The following ADGRV1 variants were observed in gnomAD, a reference collection of about 807,000 sequenced individuals.
ADGRV1 encodes adhesion G protein-coupled receptor V1.
In ADGRV1, 359 loss-of-function variants were observed where a neutral mutation model predicts 596.2. That is an observed-to-expected ratio of 0.60 (90% CI 0.55 to 0.66). The LOEUF (loss-of-function observed/expected upper bound fraction) is 0.66. Ranked by LOEUF, ADGRV1 falls within the 30% of genes least tolerant of loss-of-function variation. The pLI, the probability that ADGRV1 is intolerant of heterozygous loss-of-function variation, is 0.00. For missense variants in ADGRV1, 7,274 were observed against 7,575.6 expected (o/e 0.96, Z 1.48); for synonymous variants, 2,681 against 2,679.2 (o/e 1.00, Z -0.02).
chr5:90,781,835 A>G (rs2150097073), intron 65 of ADGRV1, among the ~76,000 whole-genome samples: 1 of 152,316 alleles, frequency 6.6e-6, no homozygotes, highest in East Asian at 1.9e-4. Context: ...GATTATTAAA[A>G]TGTTTCTGTT....
chr5:90,980,891 CAAGT>C (rs1241193742), intron 84 of ADGRV1, among the ~76,000 whole-genome samples: 1 of 152,168 alleles, frequency 6.6e-6, no homozygotes, highest in African/African-American at 2.4e-5. Context: ...AACAGGTCCT[CAAGT>C]AATATCATTT....
intron 86 of ADGRV1, among the ~76,000 whole-genome samples, chr5:91,086,569 A>G (rs776630935): frequency 7.2e-5 from 11 of 152,178 alleles, no homozygotes; most frequent in Admixed American, 3.9e-4. Context: ...GTCTCACTAT[A>G]GACTTACTAA....
In ADGRV1 at chr5:91,089,173, G is replaced by A. The variant is rs1040338504; in HGVS notation, c.18311-13046G>A. Among the ~76,000 whole-genome samples the A allele has an allele frequency of 1.3e-4, 20 of 152,068 alleles. No homozygotes were observed. In the East Asian group the frequency reaches 2.7e-3, roughly 20 times the overall value. ...ATATCAAAGAGCTTTGTGGTCAGTCGTTGTTGTACATGCCTAAAAACAGCT... is the reference window on the plus strand; with the variant it reads ...ATATCAAAGAGCTTTGTGGTCAGTCATTGTTGTACATGCCTAAAAACAGCT... On this transcript the variant is annotated intron_variant, in intron 86 of 89. Coordinates refer to ENST00000405460, the MANE Select transcript of ADGRV1 (RefSeq NM_032119.4).
intron 1 of ADGRV1, among the ~76,000 whole-genome samples, chr5:90,610,332 G>A (rs1271908238): frequency 6.6e-6 from 1 of 151,906 alleles, no homozygotes; most frequent in African/African-American, 2.4e-5. Context: ...AAAGCATCGT[G>A]GGAAACAGCA....
At chr5:90,600,108 A>C (rs1761216176) in intron 1 of ADGRV1, among the ~76,000 whole-genome samples, 1 of 152,190 alleles carries the variant, frequency 6.6e-6, no homozygotes, top group Non-Finnish European at 1.5e-5. Flanking sequence ...TAGTTGGACC[A>C]TAAGTGATCT....
At position 90,985,426 on chromosome 5, in the gene ADGRV1, G is replaced by T. The variant is rs866422860; in HGVS notation, c.18056G>T (p.Gly6019Val). The change falls in exon 85 of 90, where the codon GGA becomes GTA. Residue 6019 changes from glycine (G) to valine (V), a missense_variant. Physicochemically the swap from Gly to Val is moderately radical, Grantham distance 109. Coordinates refer to ENST00000405460, the MANE Select transcript of ADGRV1 (RefSeq NM_032119.4). ...CTGCTGTTTTTCCTTCTGAGTTGGG[G>T]ACTACCAGCTTTTGTGGTGATTCTC... ...RYLLFFLLSW[G>V]LPAFVVILLI... 1 of 1,613,640 alleles carries T rather than the reference G, an allele frequency of 6.2e-7. No homozygotes were observed. Among genetic ancestry groups the T allele is most frequent in the Admixed American group, 1.7e-5 (1 of 59,996 alleles).
intron 83 of ADGRV1, among the ~76,000 whole-genome samples, chr5:90,949,959 A>T (rs2150902501): frequency 6.6e-6 from 1 of 152,320 alleles, no homozygotes; most frequent in Non-Finnish European, 1.5e-5. Flanking sequence ...TCATTTCCAG[A>T]ATAATGCATG....
In ADGRV1 at chr5:90,667,268, C is replaced by A. The variant is rs373431406; in HGVS notation, c.4753-5278C>A. Among the ~76,000 whole-genome samples the A allele has an allele frequency of 3.7e-5, 5 of 134,054 alleles. 1 individual carries two copies. The highest frequency in any genetic ancestry group is 1.2e-4 in the African/African-American group (4 of 33,820). The allele number at this position is 134,054 out of a possible 152,430, so 87.9% of individuals were successfully genotyped here. A position where few individuals can be genotyped will look rare whatever the true frequency, so the allele number is the denominator to read the frequency against. ...TAGACCAATCAGACGTAGATTTGGT[C>A]TTTTCACATAGTCCCATATTTCTTG... is the stretch of plus-strand genomic sequence containing the variant. On this transcript the variant is annotated intron_variant, in intron 21 of 89. Transcript: ENST00000405460.
chr5:90,669,206 G>A (rs1419724978), intron 21 of ADGRV1, among the ~76,000 whole-genome samples: 2 of 152,102 alleles, frequency 1.3e-5, no homozygotes, highest in Non-Finnish European at 2.9e-5. Context: ...TGTACCATTC[G>A]GCTAGCATGA....
At chr5:90,999,032 C>T (rs549356101) in intron 85 of ADGRV1, among the ~76,000 whole-genome samples, 1 of 151,942 alleles carries the variant, frequency 6.6e-6, no homozygotes, top group Non-Finnish European at 1.5e-5. Flanking sequence ...TGTTCATCTC[C>T]CTACATTAAT....
At chr5:90,693,403 T>C (rs985096568) in intron 32 of ADGRV1, among the ~76,000 whole-genome samples, 1 of 152,194 alleles carries the variant, frequency 6.6e-6, no homozygotes, top group Non-Finnish European at 1.5e-5. Flanking sequence ...GTAAATGCTA[T>C]ATAAATAGTT....
intron 87 of ADGRV1, among the ~76,000 whole-genome samples, chr5:91,144,686 G>T (rs1795383922): frequency 6.6e-6 from 1 of 152,188 alleles, no homozygotes; most frequent in Non-Finnish European, 1.5e-5. Context: ...TGCATAGAAA[G>T]AATTCCCTTC....
chr5:90,726,283 T>TA (rs879763813), intron 48 of ADGRV1, among the ~76,000 whole-genome samples: 19 of 152,302 alleles, frequency 1.2e-4, no homozygotes, highest in Admixed American at 6.5e-4. Flanking sequence ...ACCTTGTCCT[T>TA]ATAAGGTTTA....
At chr5:90,975,003 A>G (rs984609871) in intron 84 of ADGRV1, among the ~76,000 whole-genome samples, 2 of 148,834 alleles carry the variant, frequency 1.3e-5, no homozygotes, top group African/African-American at 2.4e-5. Flanking sequence ...CAAATTTACA[A>G]GAAAAAAACA....
At chr5:90,916,877 C>T (rs1773432053) in intron 83 of ADGRV1, among the ~76,000 whole-genome samples, 1 of 151,924 alleles carries the variant, frequency 6.6e-6, no homozygotes, top group Non-Finnish European at 1.5e-5. Flanking sequence ...CGTGATCCGC[C>T]CGCCTCGGCC....
chr5:90,898,189 G>A (rs1020040147), intron 83 of ADGRV1, among the ~76,000 whole-genome samples: 3 of 152,132 alleles, frequency 2.0e-5, no homozygotes, highest in Non-Finnish European at 4.4e-5. Flanking sequence ...AATATGAATT[G>A]CAAGTTCATT....
chr5:90,821,431 C>G (rs960406016), intron 75 of ADGRV1, among the ~76,000 whole-genome samples: 1 of 151,806 alleles, frequency 6.6e-6, no homozygotes, highest in Non-Finnish European at 1.5e-5. Context: ...AAGTCATTCT[C>G]CATCCAGCTT....
At position 90,781,415 on chromosome 5, in the gene ADGRV1, G is replaced by A; in HGVS notation, c.13083-15G>A. 1 of 1,570,494 alleles carries A rather than the reference G, an allele frequency of 6.4e-7. No individual in the cohort carries two copies. Among genetic ancestry groups the A allele is most frequent in the Non-Finnish European group, 8.7e-7 (1 of 1,148,080 alleles). ...GTTGTATTTTATTTTATTTTGATTT[G>A]TATGACTTTGGAAGAGGGTATGATT... On this transcript the variant is annotated splice_polypyrimidine_tract_variant and intron_variant, in intron 64 of 89. Transcript: ENST00000405460.
intron 82 of ADGRV1, 47 bp downstream of exon 82, chr5:90,855,948 A>G (rs746346659): frequency 7.5e-6 from 11 of 1,468,212 alleles, no homozygotes; most frequent in African/African-American, 2.8e-5. Context: ...ATTTATGAAA[A>G]TGAAAGTCTG....
Sources: gnomAD v4.1 joint callset for allele counts (sites outside exome capture counted in the v4.1 genomes callset) on GRCh38, gnomAD v4.1.1 for gene constraint, MANE v1.5 for transcripts, NCBI Gene and HGNC (gene_info 2026-07-23, HGNC 2026-07-21) for gene names.